Variants in PRKG1 observed in about 807,000 individuals in gnomAD.
PRKG1 encodes the protein protein kinase cGMP-dependent 1.
PRKG1 carries 35 observed loss-of-function variants against 88.1 expected under a neutral mutation model. The ratio of observed to expected loss-of-function variants is 0.40; its 90% CI spans 0.30 to 0.53. PRKG1 has a LOEUF of 0.53. Ranked by LOEUF, PRKG1 falls within the 20% of genes least tolerant of loss-of-function variation. The pLI is 0.59. For missense variants in PRKG1, 540 were observed against 839.8 expected, an observed-to-expected ratio of 0.64 and a Z score of 4.41; for synonymous variants, 303 against 292.5, an observed-to-expected ratio of 1.04 and a Z score of -0.37.
intron 4 of PRKG1, among the ~76,000 whole-genome samples, chr10:51,878,110 T>A (rs987276121): frequency 1.3e-5 from 2 of 152,190 alleles, no homozygotes; most frequent in Non-Finnish European, 2.9e-5. Context: ...CTACCAAGTA[T>A]ATATTAGACA....
At chr10:51,389,151 A>G (rs1340790839) in intron 2 of PRKG1, among the ~76,000 whole-genome samples, 1 of 152,216 alleles carries the variant, frequency 6.6e-6, no homozygotes, top group African/African-American at 2.4e-5. Context: ...CTGATTAAAC[A>G]TTCCTTAAGA....
At chr10:51,715,020 T>G (rs1841852584) in intron 3 of PRKG1, among the ~76,000 whole-genome samples, 1 of 152,078 alleles carries the variant, frequency 6.6e-6, no homozygotes, top group Admixed American at 6.6e-5. Context: ...TTTCCCCCCG[T>G]GGGATGTGCA....
rs769304908 is a variant in PRKG1, at chr10:51,639,436, CAAAAAAAAAAAAAAAAAAAAAAAA to C, written c.593-165130_593-165107del. Among the ~76,000 whole-genome samples, 18 of 31,796 alleles carry C rather than the reference CAAAAAAAAAAAAAAAAAAAAAAAA, an allele frequency of 5.7e-4. No homozygotes were observed. In the South Asian group the frequency reaches 6.8e-3, roughly 12 times the overall value. 20.9% of individuals were successfully genotyped at this position (31,796 alleles called of 152,430 possible). A position where few individuals can be genotyped will look rare whatever the true frequency, so the allele number is the denominator to read the frequency against. On this transcript the variant is annotated intron_variant, in intron 3 of 17. Transcript: ENST00000373980. The stretch of plus-strand genomic sequence containing the variant: ...GCGGCGACAGAGCCAGACTCCATCT[CAAAAAAAAAAAAAAAAAAAAAAAA>C]AAAAAAAAAAAAAAAAAAGACATGA...
intron 5 of PRKG1, among the ~76,000 whole-genome samples, chr10:52,042,405 C>T (rs1046069344): frequency 6.6e-6 from 1 of 151,910 alleles, no homozygotes; most frequent in Non-Finnish European, 1.5e-5. Flanking sequence ...AATAGAAAGC[C>T]CAGAAATAAA....
intron 1 of PRKG1, among the ~76,000 whole-genome samples, chr10:51,040,277 CTTTAA>C (rs1372775396): frequency 3.0e-5 from 2 of 66,826 alleles, no homozygotes; most frequent in African/African-American, 1.0e-4. Context: ...TGTGTGACCT[CTTTAA>C]TTTCTTTCTT....
At chr10:51,865,287 A>G (rs961752106) in intron 4 of PRKG1, among the ~76,000 whole-genome samples, 7 of 152,130 alleles carry the variant, frequency 4.6e-5, no homozygotes, top group African/African-American at 1.7e-4. Flanking sequence ...TTACCATTAC[A>G]TAGTCTTATC....
chr10:52,031,932 G>A (rs1469571496), intron 5 of PRKG1, among the ~76,000 whole-genome samples: 1 of 152,150 alleles, frequency 6.6e-6, no homozygotes, highest in Non-Finnish European at 1.5e-5. Context: ...AAGCCCACAA[G>A]GGAAAAGGCA....
At chr10:51,616,466 A>T (rs1473064125) in intron 3 of PRKG1, among the ~76,000 whole-genome samples, 2 of 152,160 alleles carry the variant, frequency 1.3e-5, no homozygotes, top group Non-Finnish European at 2.9e-5. Flanking sequence ...TGGGCTTAGG[A>T]AAGCCAGTCT....
At chr10:51,291,674 G>A (rs2132223150) in intron 2 of PRKG1, among the ~76,000 whole-genome samples, 1 of 152,270 alleles carries the variant, frequency 6.6e-6, no homozygotes, top group South Asian at 2.1e-4. Flanking sequence ...TTAAAAGAAA[G>A]AGTGTTCTGT....
intron 12 of PRKG1, among the ~76,000 whole-genome samples, chr10:52,280,463 G>A (rs1050473399): frequency 1.3e-5 from 2 of 152,140 alleles, no homozygotes; most frequent in African/African-American, 4.8e-5. Context: ...GCCTACTTCT[G>A]TAAGTCTGTG....
intron 8 of PRKG1, among the ~76,000 whole-genome samples, chr10:52,158,639 C>A (rs1186408351): frequency 6.6e-6 from 1 of 151,474 alleles, no homozygotes; most frequent in East Asian, 1.9e-4. Flanking sequence ...TCTTAAACTT[C>A]CGGTTATGTA....
At chr10:51,393,493 A>G (rs1305160660) in intron 2 of PRKG1, among the ~76,000 whole-genome samples, 1 of 152,240 alleles carries the variant, frequency 6.6e-6, no homozygotes, top group East Asian at 1.9e-4. Context: ...ATTTTCATCT[A>G]CATTAAAAGT....
At chr10:51,905,558 G>T (rs2132942308) in intron 4 of PRKG1, among the ~76,000 whole-genome samples, 1 of 152,150 alleles carries the variant, frequency 6.6e-6, no homozygotes, top group Middle Eastern at 3.4e-3. Flanking sequence ...ATCCCAGTTA[G>T]ATTTTCCAGT....
At chr10:51,640,998 C>G (rs2132297299) in intron 3 of PRKG1, among the ~76,000 whole-genome samples, 1 of 152,070 alleles carries the variant, frequency 6.6e-6, no homozygotes, top group African/African-American at 2.4e-5. Context: ...TAGGCAAATA[C>G]ATGCCATTAG....
intron 2 of PRKG1, among the ~76,000 whole-genome samples, chr10:51,262,593 C>T (rs995661070): frequency 1.5e-4 from 23 of 152,132 alleles, no homozygotes; most frequent in Admixed American, 1.2e-3. Flanking sequence ...TCCATTCTCT[C>T]GCTGCTATTA....
chr10:51,987,120 T>G (rs1297610635), intron 5 of PRKG1, among the ~76,000 whole-genome samples: 1 of 152,106 alleles, frequency 6.6e-6, no homozygotes, highest in African/African-American at 2.4e-5. Flanking sequence ...TATTTGAAAA[T>G]TACAGATTCT....
chr10:51,943,010 G>A (rs538683462), intron 5 of PRKG1, among the ~76,000 whole-genome samples: 1 of 152,086 alleles, frequency 6.6e-6, no homozygotes, highest in East Asian at 1.9e-4. Flanking sequence ...GTAGCTTGAT[G>A]GGGATGGCAT....
intron 3 of PRKG1, among the ~76,000 whole-genome samples, chr10:51,523,039 G>A (rs937658888): frequency 1.3e-5 from 2 of 152,096 alleles, no homozygotes; most frequent in African/African-American, 2.4e-5. Flanking sequence ...AGTTTTGTCC[G>A]GTAACTCTGT....
chr10:51,508,516 T>G (rs1841294270), intron 3 of PRKG1, among the ~76,000 whole-genome samples: 1 of 152,176 alleles, frequency 6.6e-6, no homozygotes, highest in Admixed American at 6.6e-5. Context: ...GAAATATTTT[T>G]TAAAGCAGTC....
Sources: gnomAD v4.1 joint callset for allele counts (sites outside exome capture counted in the v4.1 genomes callset) on GRCh38, gnomAD v4.1.1 for gene constraint, MANE v1.5 for transcripts, NCBI Gene and HGNC (gene_info 2026-07-23, HGNC 2026-07-21) for gene names.